Variants in SHBG observed in about 807,000 individuals in gnomAD.
SHBG encodes sex hormone binding globulin.
SHBG carries 37 observed loss-of-function variants against 41.9 expected under a neutral mutation model. The observed-to-expected ratio is 0.88, with a 90% CI of 0.68 to 1.16. The LOEUF (loss-of-function observed/expected upper bound fraction) is 1.16. SHBG is among the 50% of genes most tolerant of loss of function. The pLI, the probability that SHBG is intolerant of heterozygous loss-of-function variation, is 0.00. For synonymous variants in SHBG, 217 were observed against 205.8 expected (o/e 1.05, Z -0.47); for missense variants, 466 against 499.9 (o/e 0.93, Z 0.65).
intron 1 of SHBG, among the ~76,000 whole-genome samples, chr17:7,615,345 A>G (rs2071953636): frequency 1.3e-5 from 2 of 151,632 alleles, no homozygotes; most frequent in Admixed American, 1.3e-4. Flanking sequence ...TCCAAAAAGA[A>G]AAAAAAAAGA....
upstream of SHBG, chr17:7,627,758 G>C (rs777259868): frequency 8.9e-7 from 1 of 1,124,372 alleles, no homozygotes; most frequent in South Asian, 1.3e-5. The surrounding 1 kb of genome is among the most constrained non-coding windows in gnomAD (Gnocchi z 4.8). Context: ...GAGTCGGGGG[G>C]GACGGCGGGG....
chr17:7,617,220 GACAA>G (rs1047366657), intron 1 of SHBG, among the ~76,000 whole-genome samples: 66 of 152,068 alleles, frequency 4.3e-4, no homozygotes, highest in African/African-American at 1.3e-3. Flanking sequence ...TAATGGTGGA[GACAA>G]ACAGACTTGG....
chr17:7,629,537 C>A (rs1007139754), upstream of SHBG, among the ~76,000 whole-genome samples: 1 of 152,114 alleles, frequency 6.6e-6, no homozygotes, highest in African/African-American at 2.4e-5. Context: ...ATCATACACA[C>A]AGACAATACC....
chr17:7,621,895 G>A (rs1333967633), intron 1 of SHBG, among the ~76,000 whole-genome samples: 1 of 151,608 alleles, frequency 6.6e-6, no homozygotes, highest in Non-Finnish European at 1.5e-5. Flanking sequence ...GGAGTGCAGT[G>A]GCGCAATCTT....
intron 1 of SHBG, among the ~76,000 whole-genome samples, chr17:7,616,507 C>T (rs1346283823): frequency 6.7e-6 from 1 of 149,950 alleles, no homozygotes; most frequent in African/African-American, 2.5e-5. Flanking sequence ...CGCCTGTAGT[C>T]CCAGCTACTC....
chr17:7,615,155 G>A (rs997075390), intron 1 of SHBG, among the ~76,000 whole-genome samples: 1 of 152,148 alleles, frequency 6.6e-6, no homozygotes, highest in Non-Finnish European at 1.5e-5. Context: ...CCAATCAGGG[G>A]GAGGGAGGGG....
rs1322631611 is a variant in SHBG at position 7,621,418 on chromosome 17, G to A, written c.-62+7307G>A. On this transcript the variant is annotated intron_variant, in intron 1 of 5. Transcript: ENST00000570547. ...TTGAGACCAGCCTGGCCAACATGGT[G>A]AAAACCCATCTCTACTAAAAAAAAA... is the stretch of plus-strand genomic sequence containing the variant. 3.1e-5 allele frequency among the ~76,000 whole-genome samples: 4 copies of A among 128,862 alleles called. 1 individual carries two copies. The highest frequency in any genetic ancestry group is 5.3e-5 in the Non-Finnish European group (3 of 56,974). 84.5% of individuals were successfully genotyped at this position (128,862 alleles called of 152,430 possible). A position where few individuals can be genotyped will look rare whatever the true frequency, so the allele number is the denominator to read the frequency against.
intron 1 of SHBG, among the ~76,000 whole-genome samples, chr17:7,618,862 A>G (rs1046800765): frequency 9.2e-5 from 14 of 152,140 alleles, no homozygotes; most frequent in Non-Finnish European, 2.1e-4. Context: ...CAGGTCTAAG[A>G]GCTTTTTGAG....
intron 1 of SHBG, among the ~76,000 whole-genome samples, chr17:7,620,168 A>G (rs1281537067): frequency 6.6e-6 from 1 of 152,146 alleles, no homozygotes; most frequent in Non-Finnish European, 1.5e-5. Context: ...AGAGACATCA[A>G]GAAGTGGTAA....
At chr17:7,628,936 C>A (rs2150965293), upstream of SHBG, among the ~76,000 whole-genome samples, 1 of 152,132 alleles carries the variant, frequency 6.6e-6, no homozygotes, top group African/African-American at 2.4e-5. Flanking sequence ...CATGCCTTTA[C>A]TCCCAGCTAC....
upstream of SHBG, among the ~76,000 whole-genome samples, chr17:7,623,810 G>A (rs1308161857): frequency 6.6e-6 from 1 of 151,920 alleles, no homozygotes; most frequent in Admixed American, 6.6e-5. Context: ...CACTCAGGCT[G>A]GAGTGTGGTG....
intron 1 of SHBG, among the ~76,000 whole-genome samples, chr17:7,619,862 C>T (rs995003955): frequency 3.9e-5 from 6 of 152,046 alleles, no homozygotes; most frequent in African/African-American, 1.2e-4. Flanking sequence ...CAGTGCAAAG[C>T]CAATAGCTAA....
At chr17:7,615,521 C>T (rs1032258889) in intron 1 of SHBG, among the ~76,000 whole-genome samples, 1 of 151,952 alleles carries the variant, frequency 6.6e-6, no homozygotes, top group African/African-American at 2.4e-5. Context: ...AAAGTTTTGG[C>T]CGGGCGCGGT....
upstream of SHBG, among the ~76,000 whole-genome samples, chr17:7,629,650 C>T (rs534328529): frequency 4.6e-5 from 7 of 152,286 alleles, no homozygotes; most frequent in South Asian, 1.4e-3. Context: ...CCCTCTTTCA[C>T]AGTCACCCCG....
At chr17:7,622,121 A>G (rs1258180029) in intron 1 of SHBG, among the ~76,000 whole-genome samples, 1 of 151,610 alleles carries the variant, frequency 6.6e-6, no homozygotes, top group Non-Finnish European at 1.5e-5. Context: ...CTGGGATTAC[A>G]GGTGTGAGCC....
rs562441636 is a variant in SHBG, at chr17:7,614,436, C to T, written c.-62+325C>T. On this transcript the variant is annotated intron_variant, in intron 1 of 5. Transcript: ENST00000570547. Reference sequence around the variant, plus strand: ...GGGGCTAAGGACCGGCGTCCCCAGTCGGCGCGCCGTCTCACCTTGTAGAAG... The same window carrying T: ...GGGGCTAAGGACCGGCGTCCCCAGTTGGCGCGCCGTCTCACCTTGTAGAAG... 1.9e-5 allele frequency: 29 copies of T among 1,514,760 alleles called. No individual in the cohort carries two copies. The Admixed American group carries it at 3.3e-4, about 17-fold the overall frequency. 93.8% of individuals were successfully genotyped at this position (1,514,760 alleles called of 1,614,324 possible).
At position 7,631,613 on chromosome 17, in the gene SHBG, C is replaced by T. The variant is rs145273466; in HGVS notation, c.580C>T (p.Leu194=). The T allele has an allele frequency of 1.2e-6, 2 of 1,614,170 alleles. No homozygotes were observed. Among genetic ancestry groups the T allele is most frequent in the Admixed American group, 1.7e-5 (1 of 60,032 alleles). Residue 194 remains leucine (L), a synonymous_variant, in exon 5 of 8, where the codon CTG becomes TTG. Coordinates refer to ENST00000380450, the MANE Select transcript of SHBG (RefSeq NM_001040.5). ...GCTGGTTCCTGCCCTGGATGGCTGCCTGCGCCGGGATTCCTGGCTGGACAA... is the reference window on the plus strand; with the variant it reads ...GCTGGTTCCTGCCCTGGATGGCTGCTTGCGCCGGGATTCCTGGCTGGACAA... ...LPLVPALDGC[L]RRDSWLDKQA...
At chr17:7,622,796 G>A (rs567337090) in intron 1 of SHBG, among the ~76,000 whole-genome samples, 22 of 151,288 alleles carry the variant, frequency 1.5e-4, no homozygotes, top group African/African-American at 4.8e-4. Context: ...TTGGGAGGCC[G>A]AGGTGGTCAG....
upstream of SHBG, among the ~76,000 whole-genome samples, chr17:7,629,560 A>G (rs2072333915): frequency 6.6e-6 from 1 of 152,164 alleles, no homozygotes; most frequent in South Asian, 2.1e-4. Flanking sequence ...CTTGGGAGAC[A>G]GGCCTCAGAG....
Sources: gnomAD v4.1 joint callset for allele counts (sites outside exome capture counted in the v4.1 genomes callset) on GRCh38, gnomAD v4.1.1 for gene constraint, Gnocchi (gnomAD v3.1) non-coding constraint, MANE v1.5 for transcripts, NCBI Gene and HGNC (gene_info 2026-07-23, HGNC 2026-07-21) for gene names.